Variants in LRMDA observed in about 807,000 individuals in gnomAD.
The protein encoded by LRMDA is leucine rich melanocyte differentiation associated.
In LRMDA, 18 loss-of-function variants were observed where a neutral mutation model predicts 29.8. That is an observed-to-expected ratio of 0.60 (90% CI 0.42 to 0.90). The LOEUF (loss-of-function observed/expected upper bound fraction) is 0.90. Ranked by LOEUF, LRMDA falls within the 40% of genes least tolerant of loss-of-function variation. The pLI is 0.00. For synonymous variants in LRMDA, 125 were observed against 109.4 expected, an observed-to-expected ratio of 1.14 and a Z score of -0.89; for missense variants, 273 against 273.9, an observed-to-expected ratio of 1.00 and a Z score of 0.02.
chr10:75,851,458 C>G (rs1844731990), intron 2 of LRMDA, among the ~76,000 whole-genome samples: 1 of 152,156 alleles, frequency 6.6e-6, no homozygotes, highest in Non-Finnish European at 1.5e-5. Flanking sequence ...TGCAATACCC[C>G]TGATAAAACT....
intron 2 of LRMDA, among the ~76,000 whole-genome samples, chr10:75,629,940 T>G (rs1436279640): frequency 6.6e-6 from 1 of 152,236 alleles, no homozygotes; most frequent in African/African-American, 2.4e-5. Flanking sequence ...TTTAGAAAAT[T>G]TATTGCAGAT....
At chr10:75,823,363 C>G (rs1364586640) in intron 2 of LRMDA, among the ~76,000 whole-genome samples, 2 of 151,938 alleles carry the variant, frequency 1.3e-5, no homozygotes, top group Non-Finnish European at 2.9e-5. Context: ...AAACTGTTCC[C>G]TATCACTAAT....
intron 6 of LRMDA, among the ~76,000 whole-genome samples, chr10:76,436,662 C>T (rs7899211): frequency 0.018 from 2,694 of 152,326 alleles, 86 homozygotes; most frequent in African/African-American, 0.06. Flanking sequence ...GTGCTCTTCA[C>T]ACCCAGACAG....
Position 76,017,035 on chromosome 10 carries a change from C to A in LRMDA, c.132-18973C>A, listed in dbSNP as rs182310245. Reference sequence around the variant, plus strand: ...TAACCCCCAGTACCTCAGAAGGTGACCTTACATGGAAATAGGATTGTTGTA... The same window carrying A: ...TAACCCCCAGTACCTCAGAAGGTGAACTTACATGGAAATAGGATTGTTGTA... On this transcript the variant is annotated intron_variant, in intron 2 of 6. Coordinates refer to ENST00000611255, the MANE Select transcript of LRMDA (RefSeq NM_001305581.2). Among the ~76,000 whole-genome samples the A allele has an allele frequency of 3.3e-4, 50 of 152,290 alleles. No homozygotes were observed. The East Asian group carries it at 6.7e-3, about 21-fold the overall frequency.
intron 6 of LRMDA, among the ~76,000 whole-genome samples, chr10:76,477,651 A>C (rs1475578896): frequency 6.6e-6 from 1 of 152,178 alleles, no homozygotes; most frequent in Non-Finnish European, 1.5e-5. Flanking sequence ...ACTTCAAACT[A>C]TACTACAAGG....
At position 76,408,479 on chromosome 10, in the gene LRMDA, C is replaced by G. The variant is rs575916848; in HGVS notation, c.601+83994C>G. Among the ~76,000 whole-genome samples, 357 of 152,174 alleles carry G rather than the reference C, an allele frequency of 2.3e-3. 1 individual carries two copies. Among genetic ancestry groups the G allele is most frequent in the Admixed American group, 4.0e-3 (61 of 15,292 alleles). On this transcript the variant is annotated intron_variant, in intron 6 of 6. Coordinates refer to ENST00000611255, the MANE Select transcript of LRMDA (RefSeq NM_001305581.2). The stretch of plus-strand genomic sequence containing the variant: ...CTCATTGATTCTGTAAGGAAATGTC[C>G]TATGCACATGGTTCTAGAAATATAA...
intron 2 of LRMDA, among the ~76,000 whole-genome samples, chr10:75,600,826 G>C (rs1840875444): frequency 6.6e-6 from 1 of 152,238 alleles, no homozygotes; most frequent in Non-Finnish European, 1.5e-5. Flanking sequence ...ATGTTGCTGG[G>C]CTATGATCTA....
intron 6 of LRMDA, among the ~76,000 whole-genome samples, chr10:76,392,098 A>G (rs959104584): frequency 6.6e-6 from 1 of 152,200 alleles, no homozygotes; most frequent in Admixed American, 6.5e-5. Flanking sequence ...AATGTTGACC[A>G]TAAGTTAGGA....
chr10:76,055,089 A>AAG (rs1848590423), intron 4 of LRMDA, among the ~76,000 whole-genome samples: 3 of 125,456 alleles, frequency 2.4e-5, no homozygotes, highest in Admixed American at 8.5e-5. Context: ...AAAAAAAAAA[A>AAG]AAAAAGAAAA....
chr10:75,452,735 AGT>A, intron 2 of LRMDA, among the ~76,000 whole-genome samples: 1 of 151,970 alleles, frequency 6.6e-6, no homozygotes, highest in East Asian at 1.9e-4. Context: ...ACTTGAAGGG[AGT>A]TTGAGGCAGC....
chr10:76,282,155 C>T (rs1274677348), intron 5 of LRMDA, among the ~76,000 whole-genome samples: 1 of 152,034 alleles, frequency 6.6e-6, no homozygotes, highest in Non-Finnish European at 1.5e-5. Context: ...AGATATTAGC[C>T]TGTCTTTGAG....
intron 5 of LRMDA, among the ~76,000 whole-genome samples, chr10:76,237,505 A>C (rs1344797003): frequency 1.3e-5 from 2 of 152,218 alleles, no homozygotes; most frequent in African/African-American, 4.8e-5. Context: ...AGGAAAACTT[A>C]AAATACTGTA....
chr10:76,209,174 T>TA (rs978163726), intron 5 of LRMDA, among the ~76,000 whole-genome samples: 11 of 151,112 alleles, frequency 7.3e-5, no homozygotes, highest in Non-Finnish European at 1.0e-4. Flanking sequence ...ATGAATAAAA[T>TA]AAAAAAAAAC....
At chr10:75,735,322 G>A (rs984612887) in intron 2 of LRMDA, among the ~76,000 whole-genome samples, 2 of 152,210 alleles carry the variant, frequency 1.3e-5, no homozygotes, top group Non-Finnish European at 2.9e-5. Flanking sequence ...ATGGCAAAAT[G>A]AGAAGTAGAG....
intron 6 of LRMDA, among the ~76,000 whole-genome samples, chr10:76,516,777 A>G (rs929627926): frequency 3.2e-4 from 48 of 152,298 alleles, no homozygotes; most frequent in Admixed American, 2.0e-3. Context: ...AGTCTTTGCT[A>G]TTGCGAATAG....
At chr10:76,473,848 A>G (rs1842641899) in intron 6 of LRMDA, among the ~76,000 whole-genome samples, 2 of 151,618 alleles carry the variant, frequency 1.3e-5, no homozygotes, top group African/African-American at 4.8e-5. Flanking sequence ...AATGAAAATA[A>G]CCTAAATAAA....
intron 6 of LRMDA, among the ~76,000 whole-genome samples, chr10:76,458,966 G>A (rs76961354): frequency 0.022 from 3,331 of 152,186 alleles, 76 homozygotes; most frequent in South Asian, 0.11. Flanking sequence ...AGACAAAATA[G>A]CACTAAGAAA....
chr10:75,613,501 G>A (rs1160293072), intron 2 of LRMDA, among the ~76,000 whole-genome samples: 4 of 152,092 alleles, frequency 2.6e-5, no homozygotes, highest in Admixed American at 6.5e-5. Context: ...CATCACTCTC[G>A]CTTTTTTCAT....
Position 76,022,447 on chromosome 10 carries a change from C to A in LRMDA, c.132-13561C>A, listed in dbSNP as rs543356274. ...GCTGCTCTTGGCCTTATGATGTTTT[C>A]ACAAGCAACGTGTTATTCTAATGGA... is the stretch of plus-strand genomic sequence containing the variant. On this transcript the variant is annotated intron_variant, in intron 2 of 6. Coordinates refer to ENST00000611255, the MANE Select transcript of LRMDA (RefSeq NM_001305581.2). Among the ~76,000 whole-genome samples the A allele has an allele frequency of 5.3e-5, 8 of 152,320 alleles. No homozygotes were observed. The South Asian group carries it at 1.7e-3, about 32-fold the overall frequency.
Sources: allele counts gnomAD v4.1 joint callset (sites outside exome capture counted in the v4.1 genomes callset), GRCh38; gene constraint gnomAD v4.1.1; transcripts MANE v1.5; gene names NCBI Gene and HGNC (gene_info 2026-07-23, HGNC 2026-07-21).